Variants in TMEM132B observed in about 807,000 individuals in gnomAD.
The protein encoded by TMEM132B is transmembrane protein 132B.
A neutral mutation model predicts 90.8 loss-of-function variants in TMEM132B; 18 were observed. The ratio of observed to expected loss-of-function variants is 0.20; its 90% confidence interval spans 0.14 to 0.29. The LOEUF (loss-of-function observed/expected upper bound fraction) is 0.29, where lower values mean the gene tolerates loss of function less well. TMEM132B is among the 10% of genes least tolerant of loss of function. TMEM132B has a pLI of 1.00. For synonymous variants in TMEM132B, 504 were observed against 523.3 expected (o/e 0.96, Z 0.50); for missense variants, 1,096 against 1,326.8 (o/e 0.83, Z 2.70).
chr12:125,360,599 C>T (rs1434280214), intron 2 of TMEM132B, among the ~76,000 whole-genome samples: 2 of 152,074 alleles, frequency 1.3e-5, no homozygotes, highest in Non-Finnish European at 2.9e-5. Flanking sequence ...CATTCTTGAC[C>T]TGGAGCATTA....
chr12:125,526,526 A>G (rs1019897659), intron 4 of TMEM132B, among the ~76,000 whole-genome samples: 1 of 152,198 alleles, frequency 6.6e-6, no homozygotes, highest in Non-Finnish European at 1.5e-5. Flanking sequence ...ATCTGCACTC[A>G]TGGAATTGCC....
At chr12:125,386,575 A>G (rs1878841676) in intron 2 of TMEM132B, among the ~76,000 whole-genome samples, 1 of 152,068 alleles carries the variant, frequency 6.6e-6, no homozygotes, top group Non-Finnish European at 1.5e-5. Flanking sequence ...TTTCTTCTCT[A>G]CTTGTTCGTT....
chr12:125,648,532 T>G (rs1468188414), intron 6 of TMEM132B, among the ~76,000 whole-genome samples: 9 of 94,876 alleles, frequency 9.5e-5, no homozygotes, highest in Admixed American at 2.7e-4. Context: ...GATCTCCTGT[T>G]TTTTTTTTTT....
chr12:125,270,346 T>A (rs1483404001), intron 1 of TMEM132B, among the ~76,000 whole-genome samples: 1 of 152,112 alleles, frequency 6.6e-6, no homozygotes, highest in East Asian at 1.9e-4. Context: ...GATCCTTTGC[T>A]CCCTAAGGCC....
Position 125,635,095 on chromosome 12 carries a change from T to G in TMEM132B, c.1438-8981T>G, listed in dbSNP as rs116081536. Among the ~76,000 whole-genome samples the G allele has an allele frequency of 4.2e-3, 637 of 152,326 alleles. 6 individuals carry two copies. The highest frequency in any genetic ancestry group is 0.015 in the African/African-American group (611 of 41,564). On this transcript the variant is annotated intron_variant, in intron 5 of 8. Coordinates refer to ENST00000682704, the MANE Select transcript of TMEM132B (RefSeq NM_001366854.1). ...GGTAAGGATTGCAGAAATTCAAGTT[T>G]GGACTGCTGGGATTGGAGATTCCTC...
At chr12:125,385,455 C>G (rs906297986) in intron 2 of TMEM132B, among the ~76,000 whole-genome samples, 1 of 152,116 alleles carries the variant, frequency 6.6e-6, no homozygotes, top group East Asian at 1.9e-4. Context: ...TGGAGGCTGC[C>G]TTGTGGACCC....
intron 1 of TMEM132B, among the ~76,000 whole-genome samples, chr12:125,306,610 C>G (rs901242162): frequency 6.6e-6 from 1 of 152,236 alleles, no homozygotes; most frequent in Non-Finnish European, 1.5e-5. Flanking sequence ...TCTTGTGGCT[C>G]TGTCTTCCAA....
intron 1 of TMEM132B, among the ~76,000 whole-genome samples, chr12:125,196,936 T>G (rs1367693571): frequency 1.3e-5 from 2 of 152,200 alleles, no homozygotes; most frequent in Admixed American, 6.5e-5. Context: ...AGGATTTGAC[T>G]TGTGGTCTGT....
intron 4 of TMEM132B, among the ~76,000 whole-genome samples, chr12:125,552,272 G>C (rs1358953867): frequency 6.6e-6 from 1 of 152,222 alleles, no homozygotes; most frequent in Non-Finnish European, 1.5e-5. Context: ...AAATGAGAAA[G>C]AGAACCAAGC....
rs1881421051 is a variant in TMEM132B, at chr12:125,460,931, G to A, written c.1106+45254G>A. The stretch of plus-strand genomic sequence containing the variant: ...TTTACAATTTTGCTCCTCTCAGAAA[G>A]TTATTTTTGTCTTCATATTTTCCCA... On this transcript the variant is annotated intron_variant, in intron 3 of 8. Transcript: ENST00000682704. This position sits in a 1 kb window ranked among gnomAD's most constrained non-coding sequence, Gnocchi z 4.4. 6.6e-6 allele frequency among the ~76,000 whole-genome samples: 1 copy of A among 152,172 alleles called. No individual in the cohort carries two copies. Among genetic ancestry groups the A allele is most frequent in the South Asian group, 2.1e-4 (1 of 4,832 alleles).
chr12:125,586,771 T>C (rs1006868689), intron 5 of TMEM132B: 3 of 152,028 alleles, frequency 2.0e-5, no homozygotes, highest in African/African-American at 7.3e-5. Flanking sequence ...AGTATAAGAG[T>C]AGTGATGCTG....
At chr12:125,526,813 G>T (rs773708992) in intron 4 of TMEM132B, among the ~76,000 whole-genome samples, 3 of 152,000 alleles carry the variant, frequency 2.0e-5, no homozygotes, top group Non-Finnish European at 4.4e-5. Flanking sequence ...AGGCGGCTGT[G>T]GGGAGGTGCT....
At position 125,277,389 on chromosome 12, in the gene TMEM132B, G is replaced by T. The variant is rs1485340449; in HGVS notation, c.68-72063G>T. Among the ~76,000 whole-genome samples, 1 of 151,916 alleles carries T rather than the reference G, an allele frequency of 6.6e-6. No homozygotes were observed. The highest frequency in any genetic ancestry group is 2.4e-5 in the African/African-American group (1 of 41,312). On this transcript the variant is annotated intron_variant, in intron 1 of 8. Coordinates refer to ENST00000682704, the MANE Select transcript of TMEM132B (RefSeq NM_001366854.1). This position sits in a 1 kb window ranked among gnomAD's most constrained non-coding sequence, Gnocchi z 4.3. The stretch of plus-strand genomic sequence containing the variant: ...AGCTACTCAGGAGGCTGAGGCTGGA[G>T]AATCGCTTGAACCTGGGAGGCGGAG...
At position 125,519,719 on chromosome 12, in the gene TMEM132B, A is replaced by G. The variant is rs1188072427; in HGVS notation, c.1293+94A>G. On this transcript the variant is annotated intron_variant, in intron 4 of 8. Coordinates refer to ENST00000682704, the MANE Select transcript of TMEM132B (RefSeq NM_001366854.1). ...ATCTGTTATTTTCCACATACCTGAT[A>G]CACTGTTTAAACAAGGAAAATATAC... The G allele has an allele frequency of 1.2e-5, 15 of 1,296,720 alleles. No individual in the cohort carries two copies. In the African/African-American group the frequency reaches 1.9e-4, roughly 17 times the overall value. 80.3% of individuals were successfully genotyped at this position (1,296,720 alleles called of 1,614,324 possible).
At chr12:125,211,098 TA>T (rs1257917670) in intron 1 of TMEM132B, among the ~76,000 whole-genome samples, 2 of 151,672 alleles carry the variant, frequency 1.3e-5, no homozygotes, top group Non-Finnish European at 2.9e-5. Flanking sequence ...ACAAGGGGAT[TA>T]TTTTTTCATG....
At chr12:125,416,982 G>C (rs567279107) in intron 3 of TMEM132B, among the ~76,000 whole-genome samples, 4 of 152,182 alleles carry the variant, frequency 2.6e-5, no homozygotes, top group Non-Finnish European at 5.9e-5. Flanking sequence ...ACCTCAAAGT[G>C]GCTGCTGCAG....
At chr12:125,312,060 A>G (rs978740765) in intron 1 of TMEM132B, among the ~76,000 whole-genome samples, 1 of 152,218 alleles carries the variant, frequency 6.6e-6, no homozygotes, top group African/African-American at 2.4e-5. Context: ...TCTGCCTACA[A>G]GGGACAGCTG....
intron 2 of TMEM132B, among the ~76,000 whole-genome samples, chr12:125,411,994 G>A (rs1366111162): frequency 6.6e-6 from 1 of 152,148 alleles, no homozygotes; most frequent in Non-Finnish European, 1.5e-5. Flanking sequence ...AGCAAGCACT[G>A]TGTTTCCTCA....
At chr12:125,454,392 T>TTTGTGTGTGTGTGTG in intron 3 of TMEM132B, among the ~76,000 whole-genome samples, 1 of 112,082 alleles carries the variant, frequency 8.9e-6, no homozygotes, top group South Asian at 3.4e-4. Context: ...GTGTGTGTGT[T>TTTGTGTGTGTGTGTG]TGTGTGTGTG....
Sources: gnomAD v4.1 joint callset for allele counts (sites outside exome capture counted in the v4.1 genomes callset) on GRCh38, gnomAD v4.1.1 for gene constraint, Gnocchi (gnomAD v3.1) non-coding constraint, MANE v1.5 for transcripts, NCBI Gene and HGNC (gene_info 2026-07-23, HGNC 2026-07-21) for gene names.